GNAO1: variants seen among roughly 807,000 people sequenced by gnomAD.
GNAO1 encodes guanine nucleotide-binding protein G(o) subunit alpha.
For missense variants in GNAO1, 166 were observed against 478.7 expected (o/e 0.35, Z 6.10); for synonymous variants, 164 against 180.7 (o/e 0.91, Z 0.74).
intron 2 of GNAO1, chr16:56,194,170 G>C: frequency 6.6e-6 from 3 of 456,464 alleles, no homozygotes; most frequent in South Asian, 3.1e-5. Context: ...GAGCTCCCTG[G>C]GGCTTTCTTC....
At chr16:56,200,607 A>G (rs1170630403) in intron 2 of GNAO1, among the ~76,000 whole-genome samples, 1 of 152,110 alleles carries the variant, frequency 6.6e-6, no homozygotes, top group Non-Finnish European at 1.5e-5. Flanking sequence ...TAATTCTAAA[A>G]CCTGTGTTCT....
At chr16:56,286,795 A>G (rs1460285052) in intron 3 of GNAO1, among the ~76,000 whole-genome samples, 1 of 151,618 alleles carries the variant, frequency 6.6e-6, no homozygotes, top group Non-Finnish European at 1.5e-5. Context: ...CCCAATCACC[A>G]TGACCAAGGG....
At chr16:56,305,486 A>G (rs1045062406) in intron 3 of GNAO1, among the ~76,000 whole-genome samples, 1 of 152,198 alleles carries the variant, frequency 6.6e-6, no homozygotes, top group Admixed American at 6.5e-5. Context: ...AATCTGGCAA[A>G]GACTCGAGTC....
chr16:56,289,056 G>GA (rs1263952224), intron 3 of GNAO1, among the ~76,000 whole-genome samples: 3 of 151,942 alleles, frequency 2.0e-5, no homozygotes, highest in African/African-American at 7.2e-5. Context: ...GGAAAAAAGA[G>GA]AAAAAAACAC....
rs564076301 is a variant in GNAO1, at chr16:56,208,453, G to A, written c.161+15837G>A. 6.9e-3 allele frequency among the ~76,000 whole-genome samples: 1,002 copies of A among 145,828 alleles called. 11 individuals carry two copies. The highest frequency in any genetic ancestry group is 0.024 in the African/African-American group (928 of 38,056). On this transcript the variant is annotated intron_variant, in intron 2 of 8. Transcript: ENST00000262493. The stretch of plus-strand genomic sequence containing the variant: ...TGTGTGTGTGTGTGTGTGTGTGCGC[G>A]CGCGCGCACGTGTGTGTGTGTGTAT...
At chr16:56,334,394 A>G (rs1323230740) in intron 4 of GNAO1, among the ~76,000 whole-genome samples, 2 of 152,264 alleles carry the variant, frequency 1.3e-5, no homozygotes, top group Non-Finnish European at 2.9e-5. Context: ...AATAGAACCT[A>G]TCTGTTGGCC....
intron 6 of GNAO1, chr16:56,344,872 G>A (rs2143686567): frequency 2.0e-6 from 2 of 985,452 alleles, no homozygotes; most frequent in Non-Finnish European, 2.4e-6. Context: ...GGGATTCTGT[G>A]GTTGCAGAGG....
At chr16:56,272,847 G>A (rs529728363) in intron 2 of GNAO1, among the ~76,000 whole-genome samples, 32 of 152,290 alleles carry the variant, frequency 2.1e-4, no homozygotes, top group African/African-American at 7.7e-4. Flanking sequence ...AACATTCCCA[G>A]GAGAGTGGTA....
At chr16:56,221,502 T>G (rs2036487487) in intron 2 of GNAO1, among the ~76,000 whole-genome samples, 1 of 151,912 alleles carries the variant, frequency 6.6e-6, no homozygotes, top group Non-Finnish European at 1.5e-5. Flanking sequence ...ATACAAAAAT[T>G]AGCTGGGTGT....
In GNAO1 at chr16:56,356,358, CAT is replaced by C. The variant is rs1233661911; in HGVS notation, c.*287_*288del. On this transcript the variant is annotated 3_prime_UTR_variant, in exon 9 of 9. Transcript: ENST00000262493. Reference sequence around the variant, plus strand: ...AAAAAGGAAAACTCACCATTTCATCCATATTTCTTTTTCTTGCAAAACAAACA... The same window carrying C: ...AAAAAGGAAAACTCACCATTTCATCCATTTCTTTTTCTTGCAAAACAAACA... The C allele has an allele frequency of 6.6e-6, 1 of 152,644 alleles. No homozygotes were observed. The highest frequency in any genetic ancestry group is 2.4e-5 in the African/African-American group (1 of 41,460). 9.5% of individuals were successfully genotyped at this position (152,644 alleles called of 1,614,324 possible).
At chr16:56,314,770 T>A (rs2037492503) in intron 3 of GNAO1, among the ~76,000 whole-genome samples, 1 of 152,170 alleles carries the variant, frequency 6.6e-6, no homozygotes, top group African/African-American at 2.4e-5. Flanking sequence ...TTAGTTTTGT[T>A]ATGAAAATAG....
intron 2 of GNAO1, among the ~76,000 whole-genome samples, chr16:56,200,110 C>T (rs1259134943): frequency 1.3e-5 from 2 of 152,186 alleles, no homozygotes; most frequent in African/African-American, 4.8e-5. Flanking sequence ...CTTCTCCATG[C>T]TTTAAAATTG....
chr16:56,347,759 C>T lies in GNAO1; in HGVS notation c.724-3625C>T. On this transcript the variant is annotated intron_variant, in intron 6 of 8. Coordinates refer to ENST00000262493, the MANE Select transcript of GNAO1 (RefSeq NM_020988.3). ...GGCACCACTACTGTCCTCCCCTTCC[C>T]TCCCCACCCCTCCCCTCCCTTTCCC... The T allele has an allele frequency of 4.6e-6, 4 of 876,198 alleles. 1 individual carries two copies. The highest frequency in any genetic ancestry group is 5.4e-6 in the Non-Finnish European group (4 of 734,084). 54.3% of individuals were successfully genotyped at this position (876,198 alleles called of 1,614,324 possible).
intron 6 of GNAO1, among the ~76,000 whole-genome samples, chr16:56,348,989 G>A (rs2037898288): frequency 6.6e-6 from 1 of 152,194 alleles, no homozygotes; most frequent in South Asian, 2.1e-4. Flanking sequence ...AGCCTGATGT[G>A]GTCATTCTTA....
intron 4 of GNAO1, among the ~76,000 whole-genome samples, chr16:56,331,343 G>A (rs2037686316): frequency 6.6e-6 from 1 of 152,192 alleles, no homozygotes. Flanking sequence ...TCTGGGGCCT[G>A]GTTGGCATTG....
intron 3 of GNAO1, among the ~76,000 whole-genome samples, chr16:56,290,184 C>A (rs2037216086): frequency 6.6e-6 from 1 of 152,158 alleles, no homozygotes; most frequent in Admixed American, 6.5e-5. Context: ...CCATCACTTC[C>A]CCTCCCTTGG....
intron 2 of GNAO1, among the ~76,000 whole-genome samples, chr16:56,231,909 C>G (rs534782642): frequency 6.6e-6 from 1 of 152,278 alleles, no homozygotes; most frequent in African/African-American, 2.4e-5. Flanking sequence ...ACCTCTGTGA[C>G]GATGTCGTCC....
chr16:56,345,436 G>A lies in GNAO1; in HGVS notation c.724-5948G>A, dbSNP rs1326251984. On this transcript the variant is annotated intron_variant, in intron 6 of 8. Coordinates refer to ENST00000262493, the MANE Select transcript of GNAO1 (RefSeq NM_020988.3). ...GGTTTCCACTTGCAGCCCCCGGACT[G>A]CCCCAGAGCCGGGAAGCACCAGTGC... is the stretch of plus-strand genomic sequence containing the variant. 1.5e-5 allele frequency: 15 copies of A among 985,690 alleles called. No homozygotes were observed. In the African/African-American group the frequency reaches 1.9e-4, roughly 13 times the overall value. 61.1% of individuals were successfully genotyped at this position (985,690 alleles called of 1,614,324 possible). A position where few individuals can be genotyped will look rare whatever the true frequency, so the allele number is the denominator to read the frequency against.
chr16:56,211,767 C>T (rs2036391022), intron 2 of GNAO1, among the ~76,000 whole-genome samples: 1 of 152,190 alleles, frequency 6.6e-6, no homozygotes, highest in South Asian at 2.1e-4. Context: ...CCAGCACCCC[C>T]TCCCGCTTCT....
Sources: gnomAD v4.1 joint callset for allele counts (sites outside exome capture counted in the v4.1 genomes callset) on GRCh38, gnomAD v4.1.1 for gene constraint, MANE v1.5 for transcripts, NCBI Gene and HGNC (gene_info 2026-07-23, HGNC 2026-07-21) for gene names.